MYO1E: variants seen among roughly 807,000 people sequenced by gnomAD.
The protein encoded by MYO1E is myosin IE.
Under a neutral mutation model 151.1 loss-of-function variants are expected in MYO1E, and 68 were observed. The ratio of observed to expected loss-of-function variants is 0.45; its 90% CI spans 0.37 to 0.55. The LOEUF (loss-of-function observed/expected upper bound fraction) is 0.55. Ranked by LOEUF, MYO1E falls within the 20% of genes least tolerant of loss-of-function variation. The pLI is 0.00. For synonymous variants in MYO1E, 601 were observed against 501.7 expected (o/e 1.20, Z -2.64); for missense variants, 1,363 against 1,389.3 (o/e 0.98, Z 0.30).
At position 59,172,042 on chromosome 15, in the gene MYO1E, C is replaced by A; in HGVS notation, c.2335G>T (p.Gly779Cys). The change falls in exon 22 of 28, where the codon GGT (glycine) becomes TGT (cysteine). Residue 779 changes from glycine (G) to cysteine (C), a missense_variant and splice_region_variant. Transcript: ENST00000288235. ...TVTKYDRRFK[G>C]VKRDLLLTPK... ...GTAAGGAGCAGGTCTCGCTTTACAC[C>A]CTGTAAGGAGAGGAGCTTTAAGAAG... 6.2e-7 allele frequency: 1 copy of A among 1,613,836 alleles called. No homozygotes were observed. The highest frequency in any genetic ancestry group is 8.5e-7 in the Non-Finnish European group (1 of 1,180,026).
chr15:59,213,085 T>C (rs753857379), intron 12 of MYO1E, among the ~76,000 whole-genome samples: 4 of 151,776 alleles, frequency 2.6e-5, no homozygotes, highest in Non-Finnish European at 4.4e-5. Context: ...GCCCCAGGAA[T>C]CCTAAACAAT....
chr15:59,358,621 C>G (rs1357541339), intron 1 of MYO1E, among the ~76,000 whole-genome samples: 1 of 152,162 alleles, frequency 6.6e-6, no homozygotes, highest in Admixed American at 6.5e-5. Context: ...CTTATGTCAA[C>G]TATTAAATAC....
Position 59,354,518 on chromosome 15 carries a change from T to G in MYO1E, c.3+17980A>C, listed in dbSNP as rs112127803. Reference sequence around the variant, plus strand: ...CCTCGCTTGGGGTCACAGGCCTGGGTGTCCTCAGGTGGCAGAACTCGAACA... The same window carrying G: ...CCTCGCTTGGGGTCACAGGCCTGGGGGTCCTCAGGTGGCAGAACTCGAACA... On this transcript the variant is annotated intron_variant, in intron 1 of 27. Coordinates refer to ENST00000288235, the MANE Select transcript of MYO1E (RefSeq NM_004998.4). Among the ~76,000 whole-genome samples the G allele has an allele frequency of 5.1e-3, 776 of 152,220 alleles. 8 individuals carry two copies. Among genetic ancestry groups the G allele is most frequent in the African/African-American group, 0.015 (613 of 41,526 alleles).
At chr15:59,171,774 C>T (rs2079596110) in intron 22 of MYO1E, 123 bp downstream of exon 22, 1 of 1,266,968 alleles carries the variant, frequency 7.9e-7, no homozygotes, top group Non-Finnish European at 1.1e-6. Context: ...AAATTCCATT[C>T]TCTTGATCAT....
chr15:59,187,055 C>G (rs1190233027), intron 18 of MYO1E, among the ~76,000 whole-genome samples: 23 of 152,128 alleles, frequency 1.5e-4, no homozygotes, highest in Admixed American at 1.5e-3. Flanking sequence ...GTGGGTTAAA[C>G]ATTTTCCTGA....
intron 1 of MYO1E, among the ~76,000 whole-genome samples, chr15:59,338,356 C>T (rs1007423980): frequency 1.8e-4 from 27 of 150,172 alleles, no homozygotes; most frequent in Admixed American, 4.0e-4. Flanking sequence ...TCCTGACTCC[C>T]AGATCTGTGC....
At chr15:59,262,656 A>T (rs2080231130) in intron 2 of MYO1E, among the ~76,000 whole-genome samples, 1 of 152,136 alleles carries the variant, frequency 6.6e-6, no homozygotes, top group Non-Finnish European at 1.5e-5. Context: ...GTCTCAAAAT[A>T]ACAGTAATAA....
At chr15:59,273,019 T>G (rs547865604) in intron 1 of MYO1E, among the ~76,000 whole-genome samples, 1 of 152,350 alleles carries the variant, frequency 6.6e-6, no homozygotes, top group East Asian at 1.9e-4. Flanking sequence ...AACTTATCAC[T>G]GTCATACGTG....
At chr15:59,359,174 C>A (rs1364577411) in intron 1 of MYO1E, among the ~76,000 whole-genome samples, 1 of 151,520 alleles carries the variant, frequency 6.6e-6, no homozygotes, top group Non-Finnish European at 1.5e-5. Context: ...ACCTATAATC[C>A]CAGCATTTTG....
intron 9 of MYO1E, among the ~76,000 whole-genome samples, chr15:59,222,518 T>A (rs1241613605): frequency 6.6e-6 from 1 of 152,168 alleles, no homozygotes; most frequent in East Asian, 1.9e-4. Flanking sequence ...AAAGTGATCA[T>A]CAGAAATGTC....
chr15:59,320,886 A>C (rs1298386569), intron 1 of MYO1E, among the ~76,000 whole-genome samples: 3 of 152,214 alleles, frequency 2.0e-5, no homozygotes, highest in African/African-American at 7.2e-5. Flanking sequence ...CTATTAACAA[A>C]GTAAAAAGAC....
chr15:59,326,074 T>A (rs1340653891), intron 1 of MYO1E, among the ~76,000 whole-genome samples: 1 of 152,044 alleles, frequency 6.6e-6, no homozygotes, highest in Non-Finnish European at 1.5e-5. Context: ...AAAACTCTCA[T>A]TAAACTCAAA....
At chr15:59,241,783 G>C (rs891348237) in intron 4 of MYO1E, among the ~76,000 whole-genome samples, 21 of 151,980 alleles carry the variant, frequency 1.4e-4, no homozygotes, top group African/African-American at 5.1e-4. Context: ...GCTGGGTGTG[G>C]TAGTGTGCTC....
At chr15:59,302,986 T>C (rs1020993236) in intron 1 of MYO1E, among the ~76,000 whole-genome samples, 6 of 152,124 alleles carry the variant, frequency 3.9e-5, no homozygotes, top group African/African-American at 1.4e-4. Flanking sequence ...AAACTTTCAG[T>C]TGTTGTCTGG....
chr15:59,302,922 G>C (rs1177072574), intron 1 of MYO1E, among the ~76,000 whole-genome samples: 2 of 152,166 alleles, frequency 1.3e-5, no homozygotes, highest in Admixed American at 6.5e-5. Context: ...ATTTTGACCA[G>C]GGCACCTATG....
At chr15:59,153,450 G>T (rs759182829) in intron 26 of MYO1E, 140 bp downstream of exon 26, 2 of 848,422 alleles carry the variant, frequency 2.4e-6, no homozygotes, top group Non-Finnish European at 3.8e-6. Context: ...CACAGCCTTG[G>T]GTCCTGGCAT....
intron 21 of MYO1E, among the ~76,000 whole-genome samples, chr15:59,172,685 G>A (rs1395590557): frequency 2.0e-5 from 3 of 152,212 alleles, no homozygotes; most frequent in Non-Finnish European, 4.4e-5. Flanking sequence ...ACTACAGCAT[G>A]TTTCTAAACA....
intron 14 of MYO1E, chr15:59,207,740 T>C (rs758315600): frequency 7.4e-6 from 12 of 1,614,130 alleles, no homozygotes; most frequent in Non-Finnish European, 9.3e-6. Flanking sequence ...AACTCTGATA[T>C]AGGAACTGAT....
At chr15:59,290,322 C>T (rs1567004563) in intron 1 of MYO1E, among the ~76,000 whole-genome samples, 2 of 152,186 alleles carry the variant, frequency 1.3e-5, no homozygotes, top group South Asian at 2.1e-4. Context: ...CTTTAGATCC[C>T]ACAGTGGTAA....
Sources: allele counts gnomAD v4.1 joint callset (sites outside exome capture counted in the v4.1 genomes callset), GRCh38; gene constraint gnomAD v4.1.1; transcripts MANE v1.5; gene names NCBI Gene and HGNC (gene_info 2026-07-23, HGNC 2026-07-21).